SLC25A21: variants seen among roughly 807,000 people sequenced by gnomAD.
SLC25A21 encodes solute carrier family 25 member 21, also known as mitochondrial 2-oxodicarboxylate carrier.
A neutral mutation model predicts 43.8 loss-of-function variants in SLC25A21; 47 were observed. The ratio of observed to expected loss-of-function variants is 1.07; its 90% CI spans 0.85 to 1.37. The LOEUF (loss-of-function observed/expected upper bound fraction) is 1.37. Ranked by LOEUF, SLC25A21 falls within the 40% of genes most tolerant of loss-of-function variation. The pLI, the probability that SLC25A21 is intolerant of heterozygous loss-of-function variation, is 0.00. For missense variants in SLC25A21, 352 were observed against 350.2 expected, an observed-to-expected ratio of 1.00 and a Z score of -0.04; for synonymous variants, 131 against 121.3, an observed-to-expected ratio of 1.08 and a Z score of -0.52.
chr14:36,752,096 G>A (rs977824222), intron 3 of SLC25A21, among the ~76,000 whole-genome samples: 1 of 152,164 alleles, frequency 6.6e-6, no homozygotes, highest in Non-Finnish European at 1.5e-5. Flanking sequence ...GGAGCCAGGC[G>A]AAGAACAGGC....
At chr14:37,088,474 A>G (rs1382889745) in intron 1 of SLC25A21, among the ~76,000 whole-genome samples, 1 of 152,206 alleles carries the variant, frequency 6.6e-6, no homozygotes, top group African/African-American at 2.4e-5. Context: ...TCTGGTGCAT[A>G]TTTTTCTGTC....
intron 4 of SLC25A21, among the ~76,000 whole-genome samples, chr14:36,732,992 A>G (rs1016641652): frequency 1.3e-5 from 2 of 152,218 alleles, no homozygotes; most frequent in Admixed American, 6.5e-5. Context: ...GGCACAGAAC[A>G]TTGCTTTTGG....
At chr14:36,914,590 G>A (rs1241624240) in intron 1 of SLC25A21, among the ~76,000 whole-genome samples, 1 of 151,856 alleles carries the variant, frequency 6.6e-6, no homozygotes, top group African/African-American at 2.4e-5. Context: ...CTTTGCACTG[G>A]AAAAAGAACA....
chr14:36,814,148 A>C, intron 2 of SLC25A21, 147 bp from the exon 3 acceptor site: 1 of 545,138 alleles, frequency 1.8e-6, no homozygotes, highest in Non-Finnish European at 3.2e-6. Context: ...TTAGCCTTAT[A>C]TAATCTTTAC....
chr14:36,878,893 T>C (rs577314580), intron 1 of SLC25A21, among the ~76,000 whole-genome samples: 9 of 152,132 alleles, frequency 5.9e-5, no homozygotes, highest in Non-Finnish European at 1.3e-4. Context: ...TCTCCCCTAC[T>C]CATTCATGAT....
intron 1 of SLC25A21, among the ~76,000 whole-genome samples, chr14:37,096,040 T>A (rs1259227049): frequency 2.6e-5 from 4 of 152,136 alleles, no homozygotes; most frequent in African/African-American, 9.7e-5. Context: ...TATTAAATTG[T>A]TCAAAAATGT....
At chr14:36,960,646 G>C (rs1959466368) in intron 1 of SLC25A21, among the ~76,000 whole-genome samples, 1 of 151,948 alleles carries the variant, frequency 6.6e-6, no homozygotes, top group Non-Finnish European at 1.5e-5. Context: ...CCCGCCTTCT[G>C]CCTAAAGGTG....
chr14:36,970,336 A>G (rs1292799470), intron 1 of SLC25A21, among the ~76,000 whole-genome samples: 2 of 152,216 alleles, frequency 1.3e-5, no homozygotes, highest in African/African-American at 4.8e-5. Context: ...TGCTGATGGA[A>G]TCGTGAATGA....
intron 1 of SLC25A21, among the ~76,000 whole-genome samples, chr14:36,877,220 C>T (rs1408966): frequency 0.43 from 64,714 of 151,908 alleles, 15,253 homozygotes; most frequent in Non-Finnish European, 0.51. Context: ...CACCAAATAG[C>T]GCTAGTTGGT....
At chr14:36,883,557 A>G (rs1208639754) in intron 1 of SLC25A21, among the ~76,000 whole-genome samples, 2 of 152,218 alleles carry the variant, frequency 1.3e-5, no homozygotes, top group Non-Finnish European at 2.9e-5. Flanking sequence ...TGATGGAAAT[A>G]AACTTCAAGA....
intron 2 of SLC25A21, among the ~76,000 whole-genome samples, chr14:36,839,726 A>G (rs914951997): frequency 2.0e-5 from 3 of 152,234 alleles, no homozygotes; most frequent in Non-Finnish European, 2.9e-5. Context: ...CATTGCACAC[A>G]CATTTTAGAA....
chr14:36,761,694 T>C (rs578070051), intron 3 of SLC25A21, among the ~76,000 whole-genome samples: 1 of 152,216 alleles, frequency 6.6e-6, no homozygotes, highest in African/African-American at 2.4e-5. Flanking sequence ...ATGGGATAGA[T>C]CTGTAGTGAT....
At chr14:36,939,800 C>T (rs751286621) in intron 1 of SLC25A21, among the ~76,000 whole-genome samples, 19 of 152,006 alleles carry the variant, frequency 1.2e-4, no homozygotes, top group South Asian at 6.2e-4. Flanking sequence ...TAAAAATCAG[C>T]GCCATTAGAA....
rs1366977392 is a variant in SLC25A21, at chr14:37,163,306, A to AAATG, written c.70+8974_70+8975insCATT. Among the ~76,000 whole-genome samples the AAATG allele has an allele frequency of 9.3e-5, 14 of 151,000 alleles. 1 individual carries two copies. Among genetic ancestry groups the AAATG allele is most frequent in the Non-Finnish European group, 2.1e-4 (14 of 67,732 alleles). On this transcript the variant is annotated intron_variant, in intron 1 of 9. Transcript: ENST00000331299. ...TAAAGTATAATAATAATAAATAAAT[A>AAATG]AATAAATAAATAAAAAGAAATTTCT...
At chr14:36,820,823 T>A (rs1888600128) in intron 2 of SLC25A21, among the ~76,000 whole-genome samples, 1 of 152,190 alleles carries the variant, frequency 6.6e-6, no homozygotes, top group East Asian at 1.9e-4. Flanking sequence ...GAGATTTCCG[T>A]GAATGTGCTA....
intron 1 of SLC25A21, among the ~76,000 whole-genome samples, chr14:36,888,629 T>G (rs1192927911): frequency 1.3e-5 from 2 of 152,152 alleles, no homozygotes; most frequent in African/African-American, 2.4e-5. Context: ...TCTGTGCCCT[T>G]CCTACGGTGT....
chr14:37,097,110 T>C (rs1962713207), intron 1 of SLC25A21: 1 of 152,080 alleles, frequency 6.6e-6, no homozygotes, highest in Admixed American at 6.6e-5. Flanking sequence ...TTAGTTTTTT[T>C]GTTTTTCTGA....
chr14:37,011,877 CAT>C (rs1960741073), intron 1 of SLC25A21, among the ~76,000 whole-genome samples: 1 of 152,144 alleles, frequency 6.6e-6, no homozygotes, highest in Non-Finnish European at 1.5e-5. Context: ...TCTGTGGAGA[CAT>C]CCCTTTTTAT....
chr14:36,987,449 C>T (rs1016819405), intron 1 of SLC25A21, among the ~76,000 whole-genome samples: 5 of 151,980 alleles, frequency 3.3e-5, no homozygotes, highest in Non-Finnish European at 5.9e-5. Flanking sequence ...AGAAAATAAA[C>T]TTTATAATCC....
Sources: gnomAD v4.1 joint callset for allele counts (sites outside exome capture counted in the v4.1 genomes callset) on GRCh38, gnomAD v4.1.1 for gene constraint, MANE v1.5 for transcripts, NCBI Gene and HGNC (gene_info 2026-07-23, HGNC 2026-07-21) for gene names.